The following COX7B2 variants were observed in gnomAD, a reference collection of about 807,000 sequenced individuals.
COX7B2 encodes cytochrome c oxidase subunit 7B2, mitochondrial.
For synonymous variants in COX7B2, 37 were observed against 32.1 expected (o/e 1.15, Z -0.51); for missense variants, 109 against 95.9 (o/e 1.14, Z -0.57).
intron 1 of COX7B2, among the ~76,000 whole-genome samples, chr4:46,854,066 T>G (rs1057342831): frequency 6.6e-6 from 1 of 152,148 alleles, no homozygotes; most frequent in Non-Finnish European, 1.5e-5. Flanking sequence ...GAATATAGAG[T>G]GATTATTTTA....
In COX7B2 at chr4:46,803,890, A is replaced by G. The variant is rs372304075; in HGVS notation, c.-50+41070T>C. ...CTCTACTAAATCTTGCCTTTGTGCT[A>G]CTTTCGAGGTCTCTTAGGAAAACAC... On this transcript the variant is annotated intron_variant, in intron 2 of 2. Transcript: ENST00000355591. 3.4e-4 allele frequency among the ~76,000 whole-genome samples: 51 copies of G among 152,224 alleles called. No homozygotes were observed. The East Asian group carries it at 9.1e-3, about 27-fold the overall frequency.
At chr4:46,789,730 C>T (rs189356272) in intron 2 of COX7B2, among the ~76,000 whole-genome samples, 322 of 152,172 alleles carry the variant, frequency 2.1e-3, no homozygotes, top group African/African-American at 7.5e-3. Context: ...GAAGACTAGT[C>T]GTTTTTTCAG....
intron 1 of COX7B2, among the ~76,000 whole-genome samples, chr4:46,896,793 A>G (rs181601041): frequency 6.6e-6 from 1 of 152,324 alleles, no homozygotes; most frequent in East Asian, 1.9e-4. Flanking sequence ...TTCAGCTGAT[A>G]TGACAGACAA....
chr4:46,762,108 T>G (rs1716185162), intron 2 of COX7B2, among the ~76,000 whole-genome samples: 1 of 137,804 alleles, frequency 7.3e-6, no homozygotes, highest in Non-Finnish European at 1.6e-5. Flanking sequence ...TAACACCTAT[T>G]GTAGTCTAAA....
At chr4:46,778,898 T>G (rs1717297006) in intron 2 of COX7B2, among the ~76,000 whole-genome samples, 1 of 152,198 alleles carries the variant, frequency 6.6e-6, no homozygotes, top group Non-Finnish European at 1.5e-5. Flanking sequence ...GGCAAATATG[T>G]GCTCCGATTC....
chr4:46,850,852 C>T (rs899276183), intron 1 of COX7B2, among the ~76,000 whole-genome samples: 1 of 151,878 alleles, frequency 6.6e-6, no homozygotes, highest in African/African-American at 2.4e-5. Flanking sequence ...ACCAAAAGGG[C>T]CAGAATTGAC....
At chr4:46,742,384 A>G (rs115127736) in intron 2 of COX7B2, among the ~76,000 whole-genome samples, 1,719 of 152,250 alleles carry the variant, frequency 0.011, 20 homozygotes, top group Middle Eastern at 0.037. Context: ...AGTGTCTTCA[A>G]TTCATTTATG....
chr4:46,744,742 T>G (rs1714919009), intron 2 of COX7B2, among the ~76,000 whole-genome samples: 1 of 146,712 alleles, frequency 6.8e-6, no homozygotes, highest in African/African-American at 2.5e-5. Context: ...ATTTTAATTT[T>G]TTTTTTTTTT....
At chr4:46,814,878 T>A (rs1051522070) in intron 2 of COX7B2, among the ~76,000 whole-genome samples, 1 of 152,162 alleles carries the variant, frequency 6.6e-6, no homozygotes, top group African/African-American at 2.4e-5. Flanking sequence ...ATAAATTAGA[T>A]GTGGTTTAAG....
intron 2 of COX7B2, among the ~76,000 whole-genome samples, chr4:46,777,224 A>G (rs755381298): frequency 1.9e-4 from 29 of 152,300 alleles, no homozygotes; most frequent in Non-Finnish European, 2.4e-4. Context: ...AAATTCCATG[A>G]GATAAAAGGG....
At chr4:46,841,381 T>C (rs929747934) in intron 2 of COX7B2, among the ~76,000 whole-genome samples, 3 of 133,048 alleles carry the variant, frequency 2.3e-5, no homozygotes, top group African/African-American at 8.1e-5. Context: ...GTGTTTAAGA[T>C]GGGCTGGCAG....
chr4:46,890,780 G>A (rs1719384173), intron 1 of COX7B2, among the ~76,000 whole-genome samples: 1 of 152,198 alleles, frequency 6.6e-6, no homozygotes, highest in Non-Finnish European at 1.5e-5. Flanking sequence ...GAAAGATACA[G>A]TAGTCTGGGG....
At chr4:46,831,177 CCCAGGCCAG>C (rs1336247610) in intron 2 of COX7B2, among the ~76,000 whole-genome samples, 2 of 152,148 alleles carry the variant, frequency 1.3e-5, no homozygotes, top group Non-Finnish European at 2.9e-5. Flanking sequence ...AGGCTTAGCC[CCCAGGCCAG>C]CAGCTGCGGA....
intron 2 of COX7B2, among the ~76,000 whole-genome samples, chr4:46,820,840 T>A (rs200044916): frequency 0.018 from 2,548 of 144,420 alleles, 78 homozygotes; most frequent in East Asian, 0.13. Flanking sequence ...AAAAAATATA[T>A]ATATATATAT....
At chr4:46,902,307 G>A (rs1387520194) in intron 1 of COX7B2, among the ~76,000 whole-genome samples, 2 of 152,124 alleles carry the variant, frequency 1.3e-5, no homozygotes, top group Non-Finnish European at 2.9e-5. Flanking sequence ...TCACATAAAG[G>A]TTAGGTCAAG....
chr4:46,802,828 T>C (rs1718729559), intron 2 of COX7B2, among the ~76,000 whole-genome samples: 1 of 152,158 alleles, frequency 6.6e-6, no homozygotes, highest in Non-Finnish European at 1.5e-5. Flanking sequence ...GTAATGAAGT[T>C]ACTGGAACTT....
intron 2 of COX7B2, among the ~76,000 whole-genome samples, chr4:46,835,043 A>G (rs1715413496): frequency 6.6e-6 from 1 of 152,204 alleles, no homozygotes; most frequent in Non-Finnish European, 1.5e-5. Flanking sequence ...CAATCATAAT[A>G]AGAGAAATAA....
intron 2 of COX7B2, among the ~76,000 whole-genome samples, chr4:46,807,288 C>A (rs1040265930): frequency 1.3e-5 from 2 of 151,804 alleles, no homozygotes; most frequent in East Asian, 1.9e-4. Context: ...ACTTTTCATA[C>A]CTGTTGGCCA....
At chr4:46,896,591 C>T (rs1243535188) in intron 1 of COX7B2, among the ~76,000 whole-genome samples, 1 of 151,952 alleles carries the variant, frequency 6.6e-6, no homozygotes, top group African/African-American at 2.4e-5. Flanking sequence ...AAAAACCTTC[C>T]TCTGGGGACT....
Sources: gnomAD v4.1 joint callset for allele counts (sites outside exome capture counted in the v4.1 genomes callset) on GRCh38, gnomAD v4.1.1 for gene constraint, MANE v1.5 for transcripts, NCBI Gene and HGNC (gene_info 2026-07-23, HGNC 2026-07-21) for gene names.